The following PCDHA6 variants were observed in gnomAD, a reference collection of about 807,000 sequenced individuals.
PCDHA6 encodes the protein protocadherin alpha-6.
In PCDHA6, 55 loss-of-function variants were observed where a neutral mutation model predicts 60.3. That is an observed-to-expected ratio of 0.91 (90% CI 0.73 to 1.14). The LOEUF (loss-of-function observed/expected upper bound fraction) is 1.14, where lower values mean the gene tolerates loss of function less well. PCDHA6 is among the 50% of genes most tolerant of loss of function. The pLI, the probability that PCDHA6 is intolerant of heterozygous loss-of-function variation, is 0.00. For synonymous variants in PCDHA6, 652 were observed against 557.9 expected, an observed-to-expected ratio of 1.17 and a Z score of -2.38; for missense variants, 1,327 against 1,256.5, an observed-to-expected ratio of 1.06 and a Z score of -0.85.
chr5:140,852,162 G>A (rs1421376146), intron 1 of PCDHA6: 3 of 836,824 alleles, frequency 3.6e-6, no homozygotes, highest in Non-Finnish European at 4.4e-6. Flanking sequence ...CTTGAGAATA[G>A]AGCCACAAAA....
At chr5:140,851,689 TAA>T in intron 1 of PCDHA6, 1 of 934,422 alleles carries the variant, frequency 1.1e-6, no homozygotes, top group Non-Finnish European at 1.3e-6. Context: ...CATTCAGTGA[TAA>T]AATGATCAGC....
At position 140,923,111 on chromosome 5, in the gene PCDHA6, G is replaced by T. The variant is rs192696214; in HGVS notation, c.2395-55838G>T. Among the ~76,000 whole-genome samples, 53 of 152,266 alleles carry T rather than the reference G, an allele frequency of 3.5e-4. No individual in the cohort carries two copies. In the East Asian group the frequency reaches 8.9e-3, roughly 25 times the overall value. ...TTGACCAATGGGAGTATGATTTTAA[G>T]TTTTTAGGGTCACACTTTGAAGGTG... On this transcript the variant is annotated intron_variant, in intron 1 of 3. Coordinates refer to ENST00000529310, the MANE Select transcript of PCDHA6 (RefSeq NM_018909.4).
At chr5:140,954,340 G>A (rs2095020682) in intron 1 of PCDHA6, among the ~76,000 whole-genome samples, 1 of 152,176 alleles carries the variant, frequency 6.6e-6, no homozygotes, top group Non-Finnish European at 1.5e-5. Flanking sequence ...TCTGCCTCTA[G>A]ATCTTTGAGG....
intron 1 of PCDHA6, among the ~76,000 whole-genome samples, chr5:140,903,228 C>T (rs1417505177): frequency 1.3e-5 from 2 of 152,112 alleles, no homozygotes; most frequent in Non-Finnish European, 2.9e-5. Flanking sequence ...ACATCTATTA[C>T]TTTTTGATTT....
chr5:140,844,241 C>T (rs1267423212), intron 1 of PCDHA6, among the ~76,000 whole-genome samples: 3 of 149,082 alleles, frequency 2.0e-5, no homozygotes, highest in African/African-American at 7.4e-5. Flanking sequence ...TCACTATTGC[C>T]GTTTTAAGCA....
intron 1 of PCDHA6, chr5:140,850,341 G>A: frequency 6.3e-7 from 1 of 1,597,748 alleles, no homozygotes. Flanking sequence ...GCCAGAAACG[G>A]CCAGCGCGAG....
At chr5:140,882,899 T>C (rs956861597) in intron 1 of PCDHA6, 1 of 1,614,228 alleles carries the variant, frequency 6.2e-7, no homozygotes. Context: ...ACATAGTTTA[T>C]TACTGACAGC....
intron 1 of PCDHA6, chr5:140,884,108 G>T: frequency 1.9e-6 from 3 of 1,613,402 alleles, no homozygotes; most frequent in Non-Finnish European, 2.5e-6. Context: ...ATTGCAGCTG[G>T]CGGCGGTCGG....
chr5:140,834,196 A>T, intron 1 of PCDHA6: 1 of 595,792 alleles, frequency 1.7e-6, no homozygotes, highest in Non-Finnish European at 2.9e-6. Flanking sequence ...GTCGCTCTTT[A>T]CCGCAAATTC....
Position 140,850,531 on chromosome 5 carries a change from C to T in PCDHA6, c.2394+20046C>T, listed in dbSNP as rs2150488289. 32 of 1,598,158 alleles carry T rather than the reference C, an allele frequency of 2.0e-5. 1 individual carries two copies. The East Asian group carries it at 2.5e-4, about 12-fold the overall frequency. On this transcript the variant is annotated intron_variant, in intron 1 of 3. Coordinates refer to ENST00000529310, the MANE Select transcript of PCDHA6 (RefSeq NM_018909.4). ...GAGAGCGGCCAGGCGCCAAAGTCAT[C>T]GTCGCGGGCGTCAGTGGGTGCCACG...
intron 1 of PCDHA6, among the ~76,000 whole-genome samples, chr5:140,872,165 CT>C (rs781807025): frequency 1.6e-3 from 233 of 143,900 alleles, no homozygotes; most frequent in Middle Eastern, 3.6e-3. Context: ...ATTTACTTTT[CT>C]TTTTTTTTTT....
At chr5:140,883,308 C>T (rs782669562) in intron 1 of PCDHA6, 2 of 1,614,102 alleles carry the variant, frequency 1.2e-6, no homozygotes, top group South Asian at 1.1e-5. Flanking sequence ...AATGATAACG[C>T]CCCAGAGGTT....
chr5:140,971,392 T>C (rs1399891976), intron 1 of PCDHA6, among the ~76,000 whole-genome samples: 1 of 152,154 alleles, frequency 6.6e-6, no homozygotes, highest in East Asian at 1.9e-4. Flanking sequence ...TAAAGGCAAA[T>C]TTCTGCCAGG....
chr5:140,877,987 C>A (rs1290531354), intron 1 of PCDHA6: 13 of 1,151,196 alleles, frequency 1.1e-5, no homozygotes, highest in African/African-American at 3.1e-5. Context: ...TCATTTTGAA[C>A]TTTTATGTAT....
At chr5:140,903,427 A>G (rs1030133179) in intron 1 of PCDHA6, among the ~76,000 whole-genome samples, 9 of 152,208 alleles carry the variant, frequency 5.9e-5, no homozygotes, top group African/African-American at 1.9e-4. Context: ...TCAGCACAAT[A>G]TGTATCAGTG....
chr5:140,969,066 G>A (rs2096292938), intron 1 of PCDHA6: 2 of 1,614,144 alleles, frequency 1.2e-6, no homozygotes, highest in Admixed American at 3.3e-5. Context: ...ATTGATGCCA[G>A]GATACCGCAT....
chr5:140,857,146 C>G lies in PCDHA6; in HGVS notation c.2394+26661C>G, dbSNP rs1554149571. ...TGAAAGAAGATGCTCAAGTGGGCAC[C>G]GTCATTGCCCTAATCAGCGTTTCTG... On this transcript the variant is annotated intron_variant, in intron 1 of 3. Coordinates refer to ENST00000529310, the MANE Select transcript of PCDHA6 (RefSeq NM_018909.4). The G allele has an allele frequency of 1.9e-6, 3 of 1,598,132 alleles. 1 individual carries two copies. In the South Asian group the frequency reaches 3.3e-5, roughly 18 times the overall value.
chr5:140,983,504 G>A (rs2097054493), intron 3 of PCDHA6, among the ~76,000 whole-genome samples: 1 of 152,160 alleles, frequency 6.6e-6, no homozygotes, highest in Non-Finnish European at 1.5e-5. Flanking sequence ...GCCATAATAT[G>A]CCTAGACACT....
chr5:140,834,106 C>A, intron 1 of PCDHA6: 2 of 396,430 alleles, frequency 5.0e-6, no homozygotes, highest in Non-Finnish European at 4.5e-6. Context: ...GAAAAAAATT[C>A]AGAGTTTGAA....
Sources: gnomAD v4.1 joint callset for allele counts (sites outside exome capture counted in the v4.1 genomes callset) on GRCh38, gnomAD v4.1.1 for gene constraint, MANE v1.5 for transcripts, NCBI Gene and HGNC (gene_info 2026-07-23, HGNC 2026-07-21) for gene names.